The following EPN2 variants were observed in gnomAD, a reference collection of about 807,000 sequenced individuals.
The protein encoded by EPN2 is epsin 2.
Under a neutral mutation model 61.7 loss-of-function variants are expected in EPN2, and 34 were observed. The ratio of observed to expected loss-of-function variants is 0.55; its 90% confidence interval spans 0.42 to 0.73. EPN2 has a LOEUF of 0.73. Among genes scored for constraint, EPN2 ranks in the 30% least tolerant of loss-of-function variants. The probability of loss-of-function intolerance (pLI) is 0.00; values close to 1 mark genes in which losing one functional copy is unlikely to be tolerated. For missense variants in EPN2, 714 were observed against 839.2 expected (o/e 0.85, Z 1.84); for synonymous variants, 349 against 353.6 (o/e 0.99, Z 0.15).
At chr17:19,282,912 G>T (rs547239710) in intron 2 of EPN2, 38 bp from the exon 3 acceptor site, 5 of 534,324 alleles carry the variant, frequency 9.4e-6, no homozygotes, top group Non-Finnish European at 1.3e-5. Context: ...CTCACAGGGG[G>T]CTTACGTCGC....
chr17:19,300,107 C>T (rs1399580737), intron 4 of EPN2, among the ~76,000 whole-genome samples: 1 of 152,154 alleles, frequency 6.6e-6, no homozygotes, highest in African/African-American at 2.4e-5. Flanking sequence ...CCCATGGTTC[C>T]GTGGTGGGCA....
intron 1 of EPN2, among the ~76,000 whole-genome samples, chr17:19,261,993 G>A (rs1388112789): frequency 6.6e-6 from 1 of 152,216 alleles, no homozygotes; most frequent in Non-Finnish European, 1.5e-5. Context: ...TTCGAGACCA[G>A]CCTGGCCAAC....
At chr17:19,301,835 T>C (rs1905535245) in intron 4 of EPN2, among the ~76,000 whole-genome samples, 1 of 152,238 alleles carries the variant, frequency 6.6e-6, no homozygotes, top group Non-Finnish European at 1.5e-5. Flanking sequence ...GGTCTCTCCT[T>C]ACTAGAACAC....
chr17:19,318,549 C>CGAAAAAAAAAAAAA (rs544539303), intron 7 of EPN2, among the ~76,000 whole-genome samples: 1 of 24,770 alleles, frequency 4.0e-5, no homozygotes, highest in African/African-American at 1.2e-4. Flanking sequence ...GACTCCATCT[C>CGAAAAAAAAAAAAA]AAAAAAAAAA....
rs1412362331 is a variant in EPN2, at chr17:19,285,321, G to C, written c.596-299G>C. ...CAGGGGTTGGAACAGTGGGGATGCA[G>C]GAGCCTGGTTTGATCCACCCCTCCT... On this transcript the variant is annotated intron_variant, in intron 3 of 10. Coordinates refer to ENST00000314728, the MANE Select transcript of EPN2 (RefSeq NM_014964.5). This position sits in a 1 kb window ranked among gnomAD's most constrained non-coding sequence, Gnocchi z 4.5. 6.6e-6 allele frequency among the ~76,000 whole-genome samples: 1 copy of C among 152,274 alleles called. No individual in the cohort carries two copies. The highest frequency in any genetic ancestry group is 1.5e-5 in the Non-Finnish European group (1 of 68,048).
At chr17:19,249,552 G>A (rs1466536575) in intron 1 of EPN2, 1 of 152,282 alleles carries the variant, frequency 6.6e-6, no homozygotes, top group Admixed American at 6.5e-5. Context: ...TTAACTTGGG[G>A]TGAATGTCAG....
chr17:19,322,584 TAAA>T (rs371471750), intron 7 of EPN2, among the ~76,000 whole-genome samples: 16 of 32,170 alleles, frequency 5.0e-4, no homozygotes, highest in Non-Finnish European at 1.1e-3. Context: ...TTACAAAAAA[TAAA>T]AAAATCAGCC....
chr17:19,295,918 A>G (rs760929958), intron 4 of EPN2, among the ~76,000 whole-genome samples: 1 of 152,138 alleles, frequency 6.6e-6, no homozygotes, highest in African/African-American at 2.4e-5. Flanking sequence ...CCCTCAACTC[A>G]TGGCCCGTAG....
chr17:19,295,366 A>ACGCGCGCGCGCGCG (rs1555600589), intron 4 of EPN2, among the ~76,000 whole-genome samples: 11 of 140,392 alleles, frequency 7.8e-5, no homozygotes, highest in African/African-American at 2.5e-4. Context: ...ACACACACAC[A>ACGCGCGCGCGCGCG]CGCGCGTGCG....
chr17:19,291,719 C>T (rs911380739), intron 4 of EPN2, among the ~76,000 whole-genome samples: 3 of 152,148 alleles, frequency 2.0e-5, no homozygotes, highest in Admixed American at 6.5e-5. Context: ...GAATTACAGG[C>T]GTGAGCCATC....
chr17:19,251,774 A>G (rs961447991), intron 1 of EPN2, among the ~76,000 whole-genome samples: 7 of 152,102 alleles, frequency 4.6e-5, no homozygotes, highest in African/African-American at 1.7e-4. Context: ...AAGCTTGGAT[A>G]TCATACAGGT....
At position 19,334,395 on chromosome 17, in the gene EPN2, CT is replaced by C; in HGVS notation, c.*144del. The C allele has an allele frequency of 1.6e-6, 1 of 629,852 alleles. No individual in the cohort carries two copies. Among genetic ancestry groups the C allele is most frequent in the Non-Finnish European group, 2.4e-6 (1 of 416,732 alleles). 39.0% of individuals were successfully genotyped at this position (629,852 alleles called of 1,614,324 possible). A position where few individuals can be genotyped will look rare whatever the true frequency, so the allele number is the denominator to read the frequency against. On this transcript the variant is annotated 3_prime_UTR_variant, in exon 11 of 11. Coordinates refer to ENST00000314728, the MANE Select transcript of EPN2 (RefSeq NM_014964.5). The surrounding 1 kb of genome is among the most constrained non-coding windows in gnomAD (Gnocchi z 4.9). ...TCCAGCTTCCTGATGAAAGGGCTGT[CT>C]TTACAGCCCCAACCCTCAGACCCTC...
At chr17:19,238,275 C>G (rs1030467210) in intron 1 of EPN2, among the ~76,000 whole-genome samples, 1 of 152,222 alleles carries the variant, frequency 6.6e-6, no homozygotes, top group African/African-American at 2.4e-5. Context: ...TGGCCTCTTC[C>G]AGGAGAGACT....
intron 1 of EPN2, among the ~76,000 whole-genome samples, chr17:19,271,361 T>C (rs909947026): frequency 6.6e-6 from 1 of 152,064 alleles, no homozygotes; most frequent in African/African-American, 2.4e-5. Context: ...AAATGGCAGG[T>C]GCATAGAATG....
At chr17:19,259,535 A>G (rs1017520515) in intron 1 of EPN2, among the ~76,000 whole-genome samples, 1 of 151,990 alleles carries the variant, frequency 6.6e-6, no homozygotes, top group Non-Finnish European at 1.5e-5. Context: ...GATGGTCTCA[A>G]TCTCCTGACC....
In EPN2 at chr17:19,334,074, C is replaced by T; in HGVS notation, c.1746C>T (p.Gly582=). The T allele has an allele frequency of 1.2e-6, 2 of 1,610,384 alleles. No homozygotes were observed. The highest frequency in any genetic ancestry group is 2.2e-5 in the South Asian group (2 of 90,254). The change falls in exon 11 of 11, where the codon GGC becomes GGT. Residue 582 remains glycine (G), a synonymous_variant. Transcript: ENST00000314728. The surrounding 1 kb of genome is among the most constrained non-coding windows in gnomAD (Gnocchi z 4.9). ...GGACCAGCACATCCTTTGGGCCTGG[C>T]CCAGGAGTGGAGTCCATGGCTGTGG... ...VLGTSTSFGP[G]PGVESMAVAS...
chr17:19,266,982 C>T (rs73308461), intron 1 of EPN2, among the ~76,000 whole-genome samples: 2,387 of 147,052 alleles, frequency 0.016, 48 homozygotes, highest in South Asian at 0.064. Flanking sequence ...GTCAGGAGAT[C>T]GAGATAGCCA....
In EPN2 at chr17:19,300,600, G is replaced by A. The variant is rs187367470; in HGVS notation, c.767-9285G>A. Among the ~76,000 whole-genome samples the A allele has an allele frequency of 1.1e-3, 167 of 151,956 alleles. 1 individual carries two copies. In the East Asian group the frequency reaches 0.03, roughly 27 times the overall value. Reference sequence around the variant, plus strand: ...CCTGTCACCACGCCTGGCTAATTTTGTATTTTTAGTAGAGACGGGGTTTCT... The same window carrying A: ...CCTGTCACCACGCCTGGCTAATTTTATATTTTTAGTAGAGACGGGGTTTCT... On this transcript the variant is annotated intron_variant, in intron 4 of 10. Coordinates refer to ENST00000314728, the MANE Select transcript of EPN2 (RefSeq NM_014964.5).
intron 1 of EPN2, among the ~76,000 whole-genome samples, chr17:19,242,582 A>T (rs1842961992): frequency 6.6e-6 from 1 of 152,114 alleles, no homozygotes; most frequent in Admixed American, 6.5e-5. Context: ...CCTTTTCCTG[A>T]TTCTGTTTCC....
Sources: allele counts gnomAD v4.1 joint callset (sites outside exome capture counted in the v4.1 genomes callset), GRCh38; gene constraint gnomAD v4.1.1; non-coding constraint Gnocchi (gnomAD v3.1); transcripts MANE v1.5; gene names NCBI Gene and HGNC (gene_info 2026-07-23, HGNC 2026-07-21).